The following MAT2A variants were observed in gnomAD, a reference collection of about 807,000 sequenced individuals.
The protein encoded by MAT2A is S-adenosylmethionine synthase isoform type-2.
A neutral mutation model predicts 43.9 loss-of-function variants in MAT2A; 3 were observed. The ratio of observed to expected loss-of-function variants is 0.07; its 90% CI spans 0.03 to 0.18. The LOEUF (loss-of-function observed/expected upper bound fraction) is 0.18, where lower values mean the gene tolerates loss of function less well. Among genes scored for constraint, MAT2A ranks in the 10% least tolerant of loss-of-function variants. The probability of loss-of-function intolerance (pLI) is 1.00; values close to 1 mark genes in which losing one functional copy is unlikely to be tolerated. For synonymous variants in MAT2A, 200 were observed against 168.4 expected (o/e 1.19, Z -1.45); for missense variants, 204 against 489.0 (o/e 0.42, Z 5.50).
chr2:85,543,042 T>G lies in MAT2A; in HGVS notation c.1085+8T>G, dbSNP rs778851038. 2.5e-6 allele frequency: 4 copies of G among 1,611,128 alleles called. No individual in the cohort carries two copies. Among genetic ancestry groups the G allele is most frequent in the Non-Finnish European group, 3.4e-6 (4 of 1,179,384 alleles). On this transcript the variant is annotated splice_region_variant and intron_variant, in intron 8 of 8. Transcript: ENST00000306434. The stretch of plus-strand genomic sequence containing the variant: ...CCCTGGGGTCATTGTCAGGTAAAGA[T>G]GGTAAAGCCTGTTGCTAGTCAAGTA...
At chr2:85,541,475 A>G in intron 3 of MAT2A, 98 bp downstream of exon 3, 1 of 1,446,542 alleles carries the variant, frequency 6.9e-7, no homozygotes, top group Non-Finnish European at 9.5e-7. Context: ...CTCCAGTTGT[A>G]TCTTACTATA....
At chr2:85,543,390 A>G in intron 8 of MAT2A, 1 of 437,566 alleles carries the variant, frequency 2.3e-6, no homozygotes, top group Non-Finnish European at 4.1e-6. Flanking sequence ...CTTGGTAAGT[A>G]TTGTGTGATC....
intron 1 of MAT2A, among the ~76,000 whole-genome samples, 170 bp from the exon 2 acceptor site, chr2:85,540,913 A>T (rs1213968234): frequency 6.6e-6 from 1 of 152,204 alleles, no homozygotes; most frequent in Non-Finnish European, 1.5e-5. Context: ...TTATAATGCA[A>T]ACTTTGAATT....
chr2:85,543,268 A>G, intron 8 of MAT2A: 1 of 500,972 alleles, frequency 2.0e-6, no homozygotes, highest in South Asian at 3.7e-5. Flanking sequence ...TCCAGATTTG[A>G]TATTTGAGCT....
At position 85,541,180 on chromosome 2, in the gene MAT2A, A is replaced by G; in HGVS notation, c.169+20A>G. ...CTTGTGGTAGGTTCAGAATGTGCTTATCAACTGGTGGAAAGATAGCATAAA... is the reference window on the plus strand; with the variant it reads ...CTTGTGGTAGGTTCAGAATGTGCTTGTCAACTGGTGGAAAGATAGCATAAA... On this transcript the variant is annotated intron_variant, in intron 2 of 8. Transcript: ENST00000306434. The G allele has an allele frequency of 6.2e-7, 1 of 1,613,234 alleles. No homozygotes were observed. Among genetic ancestry groups the G allele is most frequent in the Non-Finnish European group, 8.5e-7 (1 of 1,179,408 alleles).
At position 85,543,922 on chromosome 2, in the gene MAT2A, G is replaced by A; in HGVS notation, c.*150G>A. 1.7e-6 allele frequency: 1 copy of A among 574,478 alleles called. No individual in the cohort carries two copies. Among genetic ancestry groups the A allele is most frequent in the South Asian group, 2.3e-5 (1 of 43,994 alleles). 35.6% of individuals were successfully genotyped at this position (574,478 alleles called of 1,614,324 possible). On this transcript the variant is annotated 3_prime_UTR_variant, in exon 9 of 9. Coordinates refer to ENST00000306434, the MANE Select transcript of MAT2A (RefSeq NM_005911.6). ...ACTCTAGTCAATGACATGAATTTTA[G>A]CTTTTGTGGGGGACTGTAAGTTGGG...
Position 85,541,641 on chromosome 2 carries a change from T to C in MAT2A, c.301T>C (p.Tyr101His). ...GTGTTTTTTGCTTATAGGTTTTGAC[T>C]ACAAGACTTGTAACGTGCTGGTAGC... ...GYDDSSKGFD[Y>H]KTCNVLVALE... Residue 101 changes from tyrosine (Y) to histidine (H), a missense_variant, in exon 4 of 9, where the codon TAC becomes CAC. By Grantham distance (83) the Tyr-to-His change is moderately conservative (BLOSUM62 2). Coordinates refer to ENST00000306434, the MANE Select transcript of MAT2A (RefSeq NM_005911.6). 6.2e-7 allele frequency: 1 copy of C among 1,605,814 alleles called. No homozygotes were observed. Among genetic ancestry groups the C allele is most frequent in the South Asian group, 1.1e-5 (1 of 89,298 alleles).
intron 1 of MAT2A, 58 bp downstream of exon 1, chr2:85,539,436 G>C (rs1342409320): frequency 1.4e-6 from 2 of 1,391,342 alleles, no homozygotes; most frequent in African/African-American, 1.5e-5. Flanking sequence ...GCCAAGGTCC[G>C]GCTGGCTGCG....
At chr2:85,542,404 T>G (rs1322791550) in intron 6 of MAT2A, 31 bp downstream of exon 6, 1 of 1,601,202 alleles carries the variant, frequency 6.2e-7, no homozygotes, top group African/African-American at 1.3e-5. Context: ...TTTTCTGGAT[T>G]TTTGATGGTT....
chr2:85,540,959 T>G, intron 1 of MAT2A, 124 bp from the exon 2 acceptor site: 1 of 657,006 alleles, frequency 1.5e-6, no homozygotes, highest in Non-Finnish European at 2.7e-6. Context: ...AATTAAGATG[T>G]ATTAAGCATG....
rs117631434 is a variant in MAT2A, at chr2:85,539,272, G to A, written c.-16G>A. The A allele has an allele frequency of 3.1e-4, 489 of 1,595,126 alleles. 8 individuals are homozygous for A. In the East Asian group the frequency reaches 1.0e-2, roughly 33 times the overall value. ...GCTGCTCCTTCGTAAGGCCACTTCC[G>A]CACACCGACACCAACATGAACGGAC... On this transcript the variant is annotated 5_prime_UTR_variant, in exon 1 of 9. Transcript: ENST00000306434.
In MAT2A at chr2:85,539,233, G is replaced by T; in HGVS notation, c.-55G>T. 3 of 1,323,012 alleles carry T rather than the reference G, an allele frequency of 2.3e-6. No homozygotes were observed. Among genetic ancestry groups the T allele is most frequent in the Non-Finnish European group, 3.2e-6 (3 of 939,832 alleles). The allele number at this position is 1,323,012 out of a possible 1,614,324, so 82.0% of individuals were successfully genotyped here. On this transcript the variant is annotated 5_prime_UTR_variant, in exon 1 of 9. Coordinates refer to ENST00000306434, the MANE Select transcript of MAT2A (RefSeq NM_005911.6). ...TCCGCAGCTTGCGCATTTCGCAGCC[G>T]CTGCCGCCTCGCCGCTGCTCCTTCG...
intron 3 of MAT2A, 95 bp from the exon 4 acceptor site, chr2:85,541,538 T>A: frequency 7.7e-7 from 1 of 1,302,004 alleles, no homozygotes; most frequent in Non-Finnish European, 1.1e-6. Flanking sequence ...TTAGGTATAT[T>A]TGATTTCTTC....
In MAT2A at chr2:85,539,222, A is replaced by G. The variant is rs772446556; in HGVS notation, c.-66A>G. The G allele has an allele frequency of 3.1e-4, 372 of 1,197,318 alleles. No individual in the cohort carries two copies. The highest frequency in any genetic ancestry group is 4.2e-4 in the Non-Finnish European group (347 of 829,452). 74.2% of individuals were successfully genotyped at this position (1,197,318 alleles called of 1,614,324 possible). On this transcript the variant is annotated 5_prime_UTR_variant, in exon 1 of 9. Transcript: ENST00000306434. Reference sequence around the variant, plus strand: ...GTAGAACGCTGTCCGCAGCTTGCGCATTTCGCAGCCGCTGCCGCCTCGCCG... The same window carrying G: ...GTAGAACGCTGTCCGCAGCTTGCGCGTTTCGCAGCCGCTGCCGCCTCGCCG...
At chr2:85,539,570 TC>T in intron 1 of MAT2A, 192 bp downstream of exon 1, 1 of 477,100 alleles carries the variant, frequency 2.1e-6, no homozygotes. Flanking sequence ...CTCTTCCCCC[TC>T]CCCTCTCCAC....
intron 8 of MAT2A, 35 bp downstream of exon 8, chr2:85,543,069 T>G (rs759653061): frequency 2.5e-6 from 4 of 1,606,418 alleles, no homozygotes; most frequent in Non-Finnish European, 3.4e-6. Flanking sequence ...AGTCAAGTAT[T>G]GAGGGTGTTG....
intron 1 of MAT2A, among the ~76,000 whole-genome samples, chr2:85,540,152 T>G (rs770804240): frequency 1.3e-5 from 2 of 152,338 alleles, no homozygotes; most frequent in Non-Finnish European, 2.9e-5. Flanking sequence ...TGAGGCTTTG[T>G]CCGCTCAACC....
At chr2:85,540,335 C>A (rs1403810612) in intron 1 of MAT2A, among the ~76,000 whole-genome samples, 1 of 152,092 alleles carries the variant, frequency 6.6e-6, no homozygotes, top group African/African-American at 2.4e-5. Flanking sequence ...AGGGTCTGGT[C>A]AGTTTACTGT....
chr2:85,539,211 G>C lies in MAT2A; in HGVS notation c.-77G>C. On this transcript the variant is annotated 5_prime_UTR_variant, in exon 1 of 9. Coordinates refer to ENST00000306434, the MANE Select transcript of MAT2A (RefSeq NM_005911.6). ...GCCTGCTACGAGTAGAACGCTGTCC[G>C]CAGCTTGCGCATTTCGCAGCCGCTG... 9.6e-7 allele frequency: 1 copy of C among 1,038,580 alleles called. No homozygotes were observed. Among genetic ancestry groups the C allele is most frequent in the Non-Finnish European group, 1.4e-6 (1 of 689,996 alleles). The allele number at this position is 1,038,580 out of a possible 1,614,324, so 64.3% of individuals were successfully genotyped here.
Sources: gnomAD v4.1 joint callset for allele counts (sites outside exome capture counted in the v4.1 genomes callset) on GRCh38, gnomAD v4.1.1 for gene constraint, MANE v1.5 for transcripts, NCBI Gene and HGNC (gene_info 2026-07-23, HGNC 2026-07-21) for gene names.